MAPK10: variants seen among roughly 807,000 people sequenced by gnomAD.
The protein encoded by MAPK10 is mitogen-activated protein kinase 10.
Under a neutral mutation model 59.3 loss-of-function variants are expected in MAPK10, and 25 were observed. The ratio of observed to expected loss-of-function variants is 0.42; its 90% CI spans 0.31 to 0.59. The LOEUF is 0.59. Among genes scored for constraint, MAPK10 ranks in the 20% least tolerant of loss-of-function variants. The pLI is 0.15. For missense variants in MAPK10, 351 were observed against 568.9 expected (o/e 0.62, Z 3.90); for synonymous variants, 190 against 200.5 (o/e 0.95, Z 0.44).
At chr4:86,525,958 C>T (rs1757445017) in intron 1 of MAPK10, among the ~76,000 whole-genome samples, 1 of 152,014 alleles carries the variant, frequency 6.6e-6, no homozygotes, top group Admixed American at 6.6e-5. Context: ...CAATAGCTTT[C>T]AAAAGATAAC....
At position 86,012,290 on chromosome 4, in the gene MAPK10, A is replaced by G. The variant is rs978796790; in HGVS notation, c.*4938T>C. On this transcript the variant is annotated 3_prime_UTR_variant, in exon 14 of 14. Transcript: ENST00000641462. ...ACACACTCTTGACCCAAGGTGAGAA[A>G]GTAGGTCATTCCTTATTTCTTATTT... 6.6e-6 allele frequency: 1 copy of G among 152,198 alleles called. No homozygotes were observed. The highest frequency in any genetic ancestry group is 1.5e-5 in the Non-Finnish European group (1 of 68,022). 9.4% of individuals were successfully genotyped at this position (152,198 alleles called of 1,614,324 possible).
Position 86,050,081 on chromosome 4 carries a change from G to A in MAPK10, c.1110+14185C>T, listed in dbSNP as rs1205199549. Reference sequence around the variant, plus strand: ...TGGTTCATCTTCTCTCCTGGCCATTGAGCAGGCTGCTTCCTTTGCCTACCA... The same window carrying A: ...TGGTTCATCTTCTCTCCTGGCCATTAAGCAGGCTGCTTCCTTTGCCTACCA... On this transcript the variant is annotated intron_variant, in intron 11 of 13. Coordinates refer to ENST00000641462, the MANE Select transcript of MAPK10 (RefSeq NM_138982.4). Among the ~76,000 whole-genome samples the A allele has an allele frequency of 2.0e-5, 3 of 152,092 alleles. No individual in the cohort carries two copies. The East Asian group carries it at 5.8e-4, about 29-fold the overall frequency.
intron 3 of MAPK10, chr4:86,193,301 C>T: frequency 6.6e-6 from 1 of 152,492 alleles, no homozygotes; most frequent in Non-Finnish European, 1.5e-5. Flanking sequence ...TCTGCTGCTC[C>T]CTTCAGAGCT....
At chr4:86,268,982 T>C (rs1392778454) in intron 2 of MAPK10, among the ~76,000 whole-genome samples, 1 of 152,130 alleles carries the variant, frequency 6.6e-6, no homozygotes, top group Non-Finnish European at 1.5e-5. Context: ...TAGTGCCCAG[T>C]ACATGGTATT....
At chr4:86,268,926 G>A (rs1332448057) in intron 2 of MAPK10, among the ~76,000 whole-genome samples, 2 of 152,056 alleles carry the variant, frequency 1.3e-5, no homozygotes, top group African/African-American at 4.8e-5. Flanking sequence ...CTTGAGAAAC[G>A]TGACTACTTC....
rs544979143 is a variant in MAPK10, at chr4:86,432,927, C to T, written c.-122+20103G>A. Among the ~76,000 whole-genome samples the T allele has an allele frequency of 1.3e-4, 20 of 152,236 alleles. No individual in the cohort carries two copies. The South Asian group carries it at 4.1e-3, about 32-fold the overall frequency. ...CAAGAATAATCCTTAATTTGCATAA[C>T]CAAAGGCCATCTAGCCAGCTCATAC... On this transcript the variant is annotated intron_variant, in intron 1 of 13. Coordinates refer to the MAPK10 transcript ENST00000361569.
intron 11 of MAPK10, among the ~76,000 whole-genome samples, chr4:86,033,894 AC>A (rs2039623952): frequency 6.6e-6 from 1 of 152,216 alleles, no homozygotes; most frequent in African/African-American, 2.4e-5. Context: ...ATGTTACAAC[AC>A]ACACGTATAA....
chr4:86,285,507 G>T (rs2094970367), intron 2 of MAPK10, among the ~76,000 whole-genome samples: 1 of 152,076 alleles, frequency 6.6e-6, no homozygotes, highest in South Asian at 2.1e-4. Flanking sequence ...GAGCCACCGT[G>T]CCTGGCCTCT....
At chr4:86,108,814 A>C (rs985601178) in intron 4 of MAPK10, among the ~76,000 whole-genome samples, 1 of 152,182 alleles carries the variant, frequency 6.6e-6, no homozygotes, top group Non-Finnish European at 1.5e-5. Flanking sequence ...TATTAACCAT[A>C]ATATATGAAA....
intron 9 of MAPK10, among the ~76,000 whole-genome samples, chr4:86,096,501 C>A (rs1159652162): frequency 6.6e-6 from 1 of 151,832 alleles, no homozygotes; most frequent in Non-Finnish European, 1.5e-5. Flanking sequence ...TCTCAGAGAA[C>A]AACCTCGCTA....
chr4:86,325,638 A>G (rs2096006414), intron 2 of MAPK10, among the ~76,000 whole-genome samples: 2 of 152,362 alleles, frequency 1.3e-5, no homozygotes, highest in Non-Finnish European at 1.5e-5. Flanking sequence ...TAAAAATGAC[A>G]TTAGAACATT....
At position 86,103,075 on chromosome 4, in the gene MAPK10, C is replaced by CTGTGTGTGTGTGTGTGTG. The variant is rs10681488; in HGVS notation, c.425+93_425+110dup. ...TTGAGCAGTATAAGGGATTTCAACT[C>CTGTGTGTGTGTGTGTGTG]TGTGTGTGTGTGTGTGTGTGTGTGT... On this transcript the variant is annotated intron_variant, in intron 6 of 13. Transcript: ENST00000641462. 4.1e-4 allele frequency: 206 copies of CTGTGTGTGTGTGTGTGTG among 498,760 alleles called. 3 individuals carry two copies. Among genetic ancestry groups the CTGTGTGTGTGTGTGTGTG allele is most frequent in the African/African-American group, 1.1e-3 (50 of 43,560 alleles). 30.9% of individuals were successfully genotyped at this position (498,760 alleles called of 1,614,324 possible).
intron 1 of MAPK10, among the ~76,000 whole-genome samples, chr4:86,464,529 T>A (rs1203006924): frequency 6.6e-6 from 1 of 152,234 alleles, no homozygotes. Flanking sequence ...AAGAGTAGAA[T>A]GCACCCTTTT....
chr4:86,206,030 G>A lies in MAPK10; in HGVS notation c.-6-11623C>T, dbSNP rs571793200. 9.2e-5 allele frequency among the ~76,000 whole-genome samples: 14 copies of A among 151,628 alleles called. No homozygotes were observed. In the South Asian group the frequency reaches 2.7e-3, roughly 29 times the overall value. Reference sequence around the variant, plus strand: ...AACTGTTCTCCACTGAAGACAACAGGATTTTTTTTTAATTTAATTTTATTA... The same window carrying A: ...AACTGTTCTCCACTGAAGACAACAGAATTTTTTTTTAATTTAATTTTATTA... On this transcript the variant is annotated intron_variant, in intron 2 of 13. Transcript: ENST00000641462.
chr4:86,417,613 T>G (rs1446371933), intron 1 of MAPK10, among the ~76,000 whole-genome samples: 1 of 152,178 alleles, frequency 6.6e-6, no homozygotes, highest in Non-Finnish European at 1.5e-5. Context: ...ATGTTTAATA[T>G]CCACATACAG....
In MAPK10 at chr4:86,359,288, C is replaced by CTGTGTG. The variant is rs1554248575; in HGVS notation, c.-122+364_-122+369dup. Among the ~76,000 whole-genome samples, 10 of 94,602 alleles carry CTGTGTG rather than the reference C, an allele frequency of 1.1e-4. 1 individual carries two copies. The highest frequency in any genetic ancestry group is 4.8e-4 in the African/African-American group (9 of 18,802). 62.1% of individuals were successfully genotyped at this position (94,602 alleles called of 152,430 possible). ...CCTCTCTCTCTCTCTCTCTCTCTCTCTGTGTGTGTGTGTGTGTGTGTGTGT... is the reference window on the plus strand; with the variant it reads ...CCTCTCTCTCTCTCTCTCTCTCTCTCTGTGTGTGTGTGTGTGTGTGTGTGTGTGTGT... On this transcript the variant is annotated intron_variant, in intron 1 of 13. Transcript: ENST00000641462.
At chr4:86,541,790 CA>C (rs944885619) in intron 1 of MAPK10, among the ~76,000 whole-genome samples, 3 of 152,132 alleles carry the variant, frequency 2.0e-5, no homozygotes, top group African/African-American at 7.2e-5. Flanking sequence ...CCTAATCTTC[CA>C]AAGCCTGGGT....
At chr4:86,457,766 T>G (rs1751363156), upstream of MAPK10, among the ~76,000 whole-genome samples, 1 of 151,524 alleles carries the variant, frequency 6.6e-6, no homozygotes, top group Admixed American at 6.6e-5. Context: ...GCAATTCACA[T>G]CAAAATACCA....
At chr4:86,127,142 T>C (rs879240403) in intron 4 of MAPK10, among the ~76,000 whole-genome samples, 1 of 147,812 alleles carries the variant, frequency 6.8e-6, no homozygotes, top group African/African-American at 2.5e-5. Context: ...TAACACAACA[T>C]GAATAAAATA....
Sources: allele counts gnomAD v4.1 joint callset (sites outside exome capture counted in the v4.1 genomes callset), GRCh38; gene constraint gnomAD v4.1.1; transcripts MANE v1.5; gene names NCBI Gene and HGNC (gene_info 2026-07-23, HGNC 2026-07-21).